Variants in ATP11C observed in about 807,000 individuals in gnomAD.
ATP11C encodes ATPase phospholipid transporting 11C (ATP11C blood group).
Under a neutral mutation model 97.4 loss-of-function variants are expected in ATP11C, and 36 were observed. The observed-to-expected ratio is 0.37, with a 90% CI of 0.28 to 0.49. The LOEUF (loss-of-function observed/expected upper bound fraction) is 0.49, where lower values mean the gene tolerates loss of function less well. Ranked by LOEUF, ATP11C falls within the 20% of genes least tolerant of loss-of-function variation. The probability of loss-of-function intolerance (pLI) is 0.98; values close to 1 mark genes in which losing one functional copy is unlikely to be tolerated. For missense variants in ATP11C, 730 were observed against 824.6 expected, an observed-to-expected ratio of 0.89 and a Z score of 1.40; for synonymous variants, 275 against 290.9, an observed-to-expected ratio of 0.95 and a Z score of 0.56.
Position 139,745,711 on chromosome X carries a change from GTTC to G in ATP11C, c.2964+8_2964+10del. ...ATAATACCAAAAGATGTAATGACAG[GTTC>G]TTTTTACCTTTCCATTTTCTTCTAG... On this transcript the variant is annotated splice_region_variant and intron_variant, in intron 25 of 29. Coordinates refer to ENST00000682941, the MANE Select transcript of ATP11C (RefSeq NM_001353812.2). The G allele has an allele frequency of 8.4e-7, 1 of 1,197,099 alleles. No homozygotes were observed. The highest frequency in any genetic ancestry group is 1.1e-6 in the Non-Finnish European group (1 of 889,864).
intron 1 of ATP11C, among the ~76,000 whole-genome samples, chrX:139,888,182 G>A (rs1850206003): frequency 9.4e-6 from 1 of 106,426 alleles, no homozygotes; most frequent in African/African-American, 3.4e-5. Flanking sequence ...CACCCAGGCT[G>A]GAGTGCAACA....
chrX:139,763,981 A>T (rs1248747514), intron 20 of ATP11C, among the ~76,000 whole-genome samples: 1 of 112,167 alleles, frequency 8.9e-6, no homozygotes, highest in Non-Finnish European at 1.9e-5. Flanking sequence ...TCATTGCATC[A>T]TGTGTTCTTT....
intron 4 of ATP11C, among the ~76,000 whole-genome samples, chrX:139,815,502 G>T (rs1172797086): frequency 9.0e-6 from 1 of 111,675 alleles, no homozygotes; most frequent in Non-Finnish European, 1.9e-5. Context: ...GAGAAGCTAT[G>T]ATAAGTTGTA....
intron 1 of ATP11C, among the ~76,000 whole-genome samples, chrX:139,858,553 G>A (rs1040572114): frequency 8.9e-6 from 1 of 111,932 alleles, no homozygotes; most frequent in African/African-American, 3.3e-5. Context: ...CTTCTCTTCT[G>A]AACTATACAT....
intron 8 of ATP11C, among the ~76,000 whole-genome samples, chrX:139,799,705 T>G (rs1308763115): frequency 1.0e-5 from 1 of 96,775 alleles, no homozygotes; most frequent in Non-Finnish European, 2.0e-5. Context: ...CAGGGTACAG[T>G]GCAATGGCTC....
At chrX:139,797,378 G>A in intron 10 of ATP11C, 52 bp from the exon 11 acceptor site, 1 of 953,486 alleles carries the variant, frequency 1.0e-6, no homozygotes, top group Non-Finnish European at 1.4e-6. Flanking sequence ...AGTCAGATAT[G>A]AATTAAACTA....
chrX:139,799,745 C>T (rs1051681579), intron 8 of ATP11C, among the ~76,000 whole-genome samples: 9 of 103,869 alleles, frequency 8.7e-5, no homozygotes, highest in Non-Finnish European at 1.6e-4. Context: ...CTTCGCCTCC[C>T]GGGTTCAAGA....
At chrX:139,875,408 C>G (rs1160299527) in intron 1 of ATP11C, among the ~76,000 whole-genome samples, 1 of 97,386 alleles carries the variant, frequency 1.0e-5, no homozygotes, top group Admixed American at 1.1e-4. Context: ...CCAGCCTGGG[C>G]CCCATCTCCA....
At chrX:139,846,407 A>C (rs913655684) in intron 1 of ATP11C, among the ~76,000 whole-genome samples, 2 of 112,353 alleles carry the variant, frequency 1.8e-5, no homozygotes, top group African/African-American at 6.5e-5. Context: ...GCTAATCAAA[A>C]CTGGCTTTGT....
At chrX:139,778,961 G>C (rs781119620) in intron 18 of ATP11C, among the ~76,000 whole-genome samples, 4 of 111,573 alleles carry the variant, frequency 3.6e-5, no homozygotes, top group Non-Finnish European at 7.5e-5. Context: ...GATAAAACAG[G>C]CTTTAAACCA....
At chrX:139,774,461 A>C (rs1188942322) in intron 19 of ATP11C, among the ~76,000 whole-genome samples, 1 of 112,297 alleles carries the variant, frequency 8.9e-6, no homozygotes, top group Non-Finnish European at 1.9e-5. Flanking sequence ...TATTTTTCTA[A>C]ACCTTCCGAA....
At chrX:139,799,869 T>C (rs57605669) in intron 8 of ATP11C, among the ~76,000 whole-genome samples, 191 bp downstream of exon 8, 21,651 of 108,581 alleles carry the variant, frequency 0.2, 3,873 homozygotes, top group African/African-American at 0.56. Flanking sequence ...CCAGGCTGGC[T>C]TCAAACTCCT....
intron 20 of ATP11C, among the ~76,000 whole-genome samples, chrX:139,766,090 C>T (rs2082129394): frequency 1.8e-5 from 2 of 111,596 alleles, no homozygotes; most frequent in Non-Finnish European, 3.8e-5. Flanking sequence ...GTGATAATGC[C>T]ACACCCAAGA....
chrX:139,790,106 G>A (rs1307441966), intron 12 of ATP11C, among the ~76,000 whole-genome samples: 1 of 110,106 alleles, frequency 9.1e-6, no homozygotes, highest in Non-Finnish European at 1.9e-5. Flanking sequence ...TTAAGATAGG[G>A]TCTCACTCTG....
intron 5 of ATP11C, among the ~76,000 whole-genome samples, chrX:139,812,706 G>C (rs930439921): frequency 4.5e-5 from 5 of 110,366 alleles, no homozygotes; most frequent in African/African-American, 1.7e-4. Context: ...TTTTTGGAGA[G>C]ACAGGGTTTT....
chrX:139,840,013 G>T (rs1422846174), intron 1 of ATP11C, among the ~76,000 whole-genome samples: 1 of 111,119 alleles, frequency 9.0e-6, no homozygotes, highest in East Asian at 2.8e-4. Context: ...CCCTTCTCTG[G>T]TGACAATCAA....
intron 1 of ATP11C, among the ~76,000 whole-genome samples, chrX:139,890,977 C>T: frequency 9.0e-6 from 1 of 111,015 alleles, no homozygotes; most frequent in South Asian, 3.8e-4. Flanking sequence ...CAGCAAACTT[C>T]ATTAAGTTCT....
chrX:139,828,333 T>G (rs183301427), intron 1 of ATP11C, among the ~76,000 whole-genome samples: 10 of 112,258 alleles, frequency 8.9e-5, no homozygotes, highest in African/African-American at 3.2e-4. Flanking sequence ...TAGCTTTGAT[T>G]TAGGGGCTTA....
chrX:139,916,356 AT>A (rs2085156352), intron 1 of ATP11C, among the ~76,000 whole-genome samples: 1 of 111,793 alleles, frequency 8.9e-6, no homozygotes, highest in African/African-American at 3.3e-5. Context: ...TTCAGCAAGC[AT>A]TTAATGAGCA....
Sources: allele counts gnomAD v4.1 joint callset (sites outside exome capture counted in the v4.1 genomes callset), GRCh38; gene constraint gnomAD v4.1.1; transcripts MANE v1.5; gene names NCBI Gene and HGNC (gene_info 2026-07-23, HGNC 2026-07-21).